The following RAD17 variants were observed in gnomAD, a reference collection of about 807,000 sequenced individuals.
RAD17 encodes cell cycle checkpoint protein RAD17.
A neutral mutation model predicts 81.5 loss-of-function variants in RAD17; 31 were observed. The observed-to-expected ratio is 0.38, with a 90% CI of 0.29 to 0.51. The LOEUF (loss-of-function observed/expected upper bound fraction) is 0.51. Ranked by LOEUF, RAD17 falls within the 20% of genes least tolerant of loss-of-function variation. RAD17 has a pLI of 0.88. For synonymous variants in RAD17, 261 were observed against 266.2 expected, an observed-to-expected ratio of 0.98 and a Z score of 0.19; for missense variants, 681 against 781.2, an observed-to-expected ratio of 0.87 and a Z score of 1.53.
chr5:69,400,220 A>ATTTATTTAT, intron 17 of RAD17, 51 bp downstream of exon 17: 1 of 1,172,086 alleles, frequency 8.5e-7, no homozygotes. Context: ...TTATTTATTT[A>ATTTATTTAT]TTTATTTATT....
intron 11 of RAD17, among the ~76,000 whole-genome samples, chr5:69,387,151 C>T (rs1478598954): frequency 3.3e-5 from 5 of 152,050 alleles, no homozygotes; most frequent in Admixed American, 6.6e-5. Context: ...TCTCGAATTC[C>T]TGGCTCAAGT....
Position 69,369,877 on chromosome 5 carries a change from A to G in RAD17, c.-473A>G, listed in dbSNP as rs1762817213. 1.1e-5 allele frequency: 7 copies of G among 633,256 alleles called. No individual in the cohort carries two copies. Among genetic ancestry groups the G allele is most frequent in the South Asian group, 6.2e-5 (3 of 48,442 alleles). 39.2% of individuals were successfully genotyped at this position (633,256 alleles called of 1,614,324 possible). ...GGGCCAGGTGGCTGCCCTTTCACCT[A>G]GGGTAGTCCCTGGTCGCCTCCGCTC... is the stretch of plus-strand genomic sequence containing the variant. On this transcript the variant is annotated 5_prime_UTR_variant, in exon 1 of 19. Coordinates refer to ENST00000354868, the MANE Select transcript of RAD17 (RefSeq NM_133338.3).
chr5:69,391,811 C>T lies in RAD17; in HGVS notation c.1007-20C>T. On this transcript the variant is annotated intron_variant, in intron 12 of 18. Coordinates refer to ENST00000354868, the MANE Select transcript of RAD17 (RefSeq NM_133338.3). ...TCATATTTTAATTTAAATATTGTCACTTGGATGTATATTATTCAGGAGAAA... is the reference window on the plus strand; with the variant it reads ...TCATATTTTAATTTAAATATTGTCATTTGGATGTATATTATTCAGGAGAAA... 7.2e-7 allele frequency: 1 copy of T among 1,398,140 alleles called. No individual in the cohort carries two copies. The highest frequency in any genetic ancestry group is 1.6e-5 in the South Asian group (1 of 62,526). The allele number at this position is 1,398,140 out of a possible 1,614,324, so 86.6% of individuals were successfully genotyped here. A position where few individuals can be genotyped will look rare whatever the true frequency, so the allele number is the denominator to read the frequency against.
chr5:69,377,449 A>ATATATATATG (rs1460691615), intron 6 of RAD17, among the ~76,000 whole-genome samples: 4 of 10,350 alleles, frequency 3.9e-4, no homozygotes, highest in Non-Finnish European at 1.2e-3. Context: ...GTATATATAT[A>ATATATATATG]TATATATATA....
intron 4 of RAD17, 111 bp from the exon 5 acceptor site, chr5:69,373,710 TTTTTTTAAG>T: frequency 5.7e-5 from 28 of 495,420 alleles, no homozygotes; most frequent in South Asian, 1.3e-4. Context: ...TTTTTTTTTT[TTTTTTTAAG>T]TTTTAAAGGT....
At position 69,386,342 on chromosome 5, in the gene RAD17, A is replaced by G. The variant is rs374872626; in HGVS notation, c.824+37A>G. On this transcript the variant is annotated intron_variant, in intron 10 of 18. Coordinates refer to ENST00000354868, the MANE Select transcript of RAD17 (RefSeq NM_133338.3). Reference sequence around the variant, plus strand: ...ATTTCTGCTTATAAAGGTCACATACATATTATATTTTTAAATTAATCATTT... The same window carrying G: ...ATTTCTGCTTATAAAGGTCACATACGTATTATATTTTTAAATTAATCATTT... The G allele has an allele frequency of 1.1e-5, 17 of 1,582,672 alleles. No individual in the cohort carries two copies. The African/African-American group carries it at 1.9e-4, about 18-fold the overall frequency.
rs1554038556 is a variant in RAD17 at position 69,377,419 on chromosome 5, A to ATATG, written c.351+2709_351+2710insATGT. ...CTACCAGTTGGATAAACTTAGGTAT[A>ATATG]TGTGTGTGTGTGTGTGTGTGTATAT... is the stretch of plus-strand genomic sequence containing the variant. On this transcript the variant is annotated intron_variant, in intron 6 of 18. Coordinates refer to ENST00000354868, the MANE Select transcript of RAD17 (RefSeq NM_133338.3). 2.1e-4 allele frequency among the ~76,000 whole-genome samples: 14 copies of ATATG among 65,824 alleles called. 1 individual carries two copies. The highest frequency in any genetic ancestry group is 5.8e-4 in the African/African-American group (8 of 13,680). The allele number at this position is 65,824 out of a possible 152,430, so 43.2% of individuals were successfully genotyped here. A position where few individuals can be genotyped will look rare whatever the true frequency, so the allele number is the denominator to read the frequency against.
intron 17 of RAD17, among the ~76,000 whole-genome samples, chr5:69,409,735 G>A (rs1423428879): frequency 6.6e-6 from 1 of 152,128 alleles, no homozygotes; most frequent in Admixed American, 6.5e-5. Context: ...ATTCTACAGT[G>A]CAGTAGTGTT....
intron 16 of RAD17, among the ~76,000 whole-genome samples, chr5:69,398,868 TAAAAAA>T (rs72281552): frequency 3.6e-5 from 4 of 109,880 alleles, no homozygotes; most frequent in African/African-American, 1.3e-4. Flanking sequence ...ATCTCCTGGT[TAAAAAA>T]AAAAAAAAAA....
intron 6 of RAD17, among the ~76,000 whole-genome samples, chr5:69,378,818 A>G (rs1459759643): frequency 6.6e-6 from 1 of 152,208 alleles, no homozygotes; most frequent in Non-Finnish European, 1.5e-5. Flanking sequence ...CACCTAGGCT[A>G]TATGGTATAG....
intron 6 of RAD17, among the ~76,000 whole-genome samples, chr5:69,377,470 TATATAC>T (rs1763443943): frequency 1.7e-4 from 1 of 5,762 alleles, no homozygotes; most frequent in Non-Finnish European, 2.1e-3. Context: ...TATATATATA[TATATAC>T]ACACACACAC....
At position 69,372,027 on chromosome 5, in the gene RAD17, T is replaced by C. The variant is rs555366726; in HGVS notation, c.-175-7T>C. On this transcript the variant is annotated splice_polypyrimidine_tract_variant and splice_region_variant and intron_variant, in intron 3 of 18. Coordinates refer to ENST00000354868, the MANE Select transcript of RAD17 (RefSeq NM_133338.3). ...AACTTTGCTGTTTATCTTTCTCTTTTTTTCAGTATATGGGAGTCCACATTT... is the reference window on the plus strand; with the variant it reads ...AACTTTGCTGTTTATCTTTCTCTTTCTTTCAGTATATGGGAGTCCACATTT... 3.0e-4 allele frequency: 361 copies of C among 1,206,002 alleles called. 4 individuals are homozygous for C. Among genetic ancestry groups the C allele is most frequent in the Non-Finnish European group, 7.5e-6 (7 of 936,906 alleles). The allele number at this position is 1,206,002 out of a possible 1,614,324, so 74.7% of individuals were successfully genotyped here. A position where few individuals can be genotyped will look rare whatever the true frequency, so the allele number is the denominator to read the frequency against.
intron 4 of RAD17, among the ~76,000 whole-genome samples, chr5:69,372,938 C>T (rs1160619151): frequency 1.3e-5 from 2 of 152,074 alleles, no homozygotes; most frequent in South Asian, 4.1e-4. Flanking sequence ...GTGACAGTTC[C>T]CCCTCTGGAA....
chr5:69,400,170 G>A lies in RAD17; in HGVS notation c.1693+1G>A. ...CTAACCATTCCAATGAGAAATCAAG[G>A]TAATAACATAGGTTTTTCTTTTCTT... On this transcript the variant is annotated splice_donor_variant, in intron 17 of 18. Transcript: ENST00000354868. LOFTEE classifies it high-confidence loss of function. The A allele has an allele frequency of 1.3e-6, 2 of 1,515,246 alleles. No individual in the cohort carries two copies. Among genetic ancestry groups the A allele is most frequent in the African/African-American group, 1.4e-5 (1 of 71,640 alleles). The allele number at this position is 1,515,246 out of a possible 1,614,324, so 93.9% of individuals were successfully genotyped here.
intron 16 of RAD17, among the ~76,000 whole-genome samples, chr5:69,396,782 A>G (rs1382825083): frequency 6.6e-6 from 1 of 152,168 alleles, no homozygotes; most frequent in African/African-American, 2.4e-5. Context: ...ATTTGAAAAT[A>G]TTAGTTCAGT....
chr5:69,370,773 T>G (rs1762914513), intron 1 of RAD17: 1 of 157,478 alleles, frequency 6.4e-6, no homozygotes, highest in Non-Finnish European at 1.4e-5. Flanking sequence ...CTGAACAATG[T>G]GTTTTCTAGT....
At chr5:69,378,034 T>G (rs982131683) in intron 6 of RAD17, among the ~76,000 whole-genome samples, 1 of 152,000 alleles carries the variant, frequency 6.6e-6, no homozygotes, top group Admixed American at 6.6e-5. Flanking sequence ...TGGCCTCAAG[T>G]AGACCTCCCA....
intron 17 of RAD17, among the ~76,000 whole-genome samples, chr5:69,405,206 T>TA (rs1257085851): frequency 6.6e-6 from 1 of 151,692 alleles, no homozygotes; most frequent in East Asian, 1.9e-4. Context: ...GGAGGTTCCT[T>TA]AAAAAACTGA....
chr5:69,393,802 C>T (rs1357534058), intron 15 of RAD17, among the ~76,000 whole-genome samples: 3 of 151,516 alleles, frequency 2.0e-5, no homozygotes, highest in African/African-American at 7.3e-5. Context: ...AACTCCTGGG[C>T]TCAGACAGTC....
Sources: allele counts gnomAD v4.1 joint callset (sites outside exome capture counted in the v4.1 genomes callset), GRCh38; gene constraint gnomAD v4.1.1; transcripts MANE v1.5; gene names NCBI Gene and HGNC (gene_info 2026-07-23, HGNC 2026-07-21).